The following CHUK variants were observed in gnomAD, a reference collection of about 807,000 sequenced individuals.
CHUK encodes component of inhibitor of nuclear factor kappa B kinase complex.
Under a neutral mutation model 104.8 loss-of-function variants are expected in CHUK, and 35 were observed. The observed-to-expected ratio is 0.33, with a 90% confidence interval of 0.26 to 0.44. CHUK has a LOEUF of 0.44. Among genes scored for constraint, CHUK ranks in the 20% least tolerant of loss-of-function variants. The probability of loss-of-function intolerance (pLI) is 1.00; values close to 1 mark genes in which losing one functional copy is unlikely to be tolerated. For synonymous variants in CHUK, 276 were observed against 291.9 expected, an observed-to-expected ratio of 0.95 and a Z score of 0.56; for missense variants, 663 against 902.7, an observed-to-expected ratio of 0.73 and a Z score of 3.40.
In CHUK at chr10:100,222,898, T is replaced by C; in HGVS notation, c.283A>G (p.Met95Val). Residue 95 changes from methionine (M) to valine (V), a missense_variant, in exon 3 of 21, where the codon ATG becomes GTG. By Grantham distance (21) the Met-to-Val change is conservative (BLOSUM62 1). Around this residue, in one of 5 missense-constraint regions of CHUK, gnomAD observed 200 missense variants for 333.0 expected, o/e 0.60. Coordinates refer to ENST00000370397, the MANE Select transcript of CHUK (RefSeq NM_001278.5). Reference protein sequence around the residue: ...ILIHDVPLLAMEYCSGGDLRK... With the variant: ...ILIHDVPLLAVEYCSGGDLRK... ...AGATCTCCTCCAGAACAGTATTCCA[T>C]TGCTAGAAGAGGCACATCATGAATC... The C allele has an allele frequency of 6.3e-7, 1 of 1,597,762 alleles. No homozygotes were observed. Among genetic ancestry groups the C allele is most frequent in the Non-Finnish European group, 8.6e-7 (1 of 1,165,290 alleles).
intron 1 of CHUK, 97 bp downstream of exon 1, chr10:100,229,331 C>G (rs1448726757): frequency 6.6e-6 from 6 of 910,168 alleles, no homozygotes; most frequent in African/African-American, 1.6e-5. Context: ...AAGGTCCCAC[C>G]AACCATCTAT....
At chr10:100,215,704 T>C (rs1378213950) in intron 9 of CHUK, among the ~76,000 whole-genome samples, 1 of 152,224 alleles carries the variant, frequency 6.6e-6, no homozygotes, top group Non-Finnish European at 1.5e-5. Flanking sequence ...GTAACTGTTT[T>C]GTTGCTTCCT....
At position 100,209,517 on chromosome 10, in the gene CHUK, A is replaced by C. The variant is rs116201511; in HGVS notation, c.1128+78T>G. 618 of 869,850 alleles carry C rather than the reference A, an allele frequency of 7.1e-4. 1 individual carries two copies. The African/African-American group carries it at 8.4e-3, about 12-fold the overall frequency. The allele number at this position is 869,850 out of a possible 1,614,324, so 53.9% of individuals were successfully genotyped here. A position where few individuals can be genotyped will look rare whatever the true frequency, so the allele number is the denominator to read the frequency against. Reference sequence around the variant, plus strand: ...ATGTGCGGCCTCCCAAGGAATTCCAAGTATGCATAAAAATTGCAGGGCACG... The same window carrying C: ...ATGTGCGGCCTCCCAAGGAATTCCACGTATGCATAAAAATTGCAGGGCACG... On this transcript the variant is annotated intron_variant, in intron 10 of 20. Transcript: ENST00000370397.
At chr10:100,218,263 C>T in intron 8 of CHUK, 133 bp from the exon 9 acceptor site, 3 of 798,588 alleles carry the variant, frequency 3.8e-6, no homozygotes, top group East Asian at 2.6e-5. Context: ...TCATAAATTA[C>T]TTTCAAATTC....
At chr10:100,187,195 G>A (rs1245998526), downstream of CHUK, 1 of 152,274 alleles carries the variant, frequency 6.6e-6, no homozygotes, top group Admixed American at 6.5e-5. Context: ...GGAAAGCAGT[G>A]CTTTAGGGCC....
chr10:100,186,631 G>C (rs185072140), downstream of CHUK: 2 of 152,408 alleles, frequency 1.3e-5, no homozygotes, highest in East Asian at 3.9e-4. Flanking sequence ...ACCAAAGTAA[G>C]TACTTCAGTT....
chr10:100,215,024 C>A (rs1022745461), intron 9 of CHUK, among the ~76,000 whole-genome samples: 40 of 151,930 alleles, frequency 2.6e-4, no homozygotes, highest in Non-Finnish European at 1.6e-4. Flanking sequence ...CACCTGAGGT[C>A]AGGGTGTCAA....
chr10:100,189,477 T>C lies in CHUK; in HGVS notation c.*121A>G. The C allele has an allele frequency of 2.5e-6, 2 of 795,166 alleles. No individual in the cohort carries two copies. The highest frequency in any genetic ancestry group is 4.5e-6 in the Non-Finnish European group (2 of 440,158). 49.3% of individuals were successfully genotyped at this position (795,166 alleles called of 1,614,324 possible). A position where few individuals can be genotyped will look rare whatever the true frequency, so the allele number is the denominator to read the frequency against. Reference sequence around the variant, plus strand: ...CTGATCATAGTAGAAATGTAGTTTCTGTTCATAGCCATTTCTTCCATTGAC... The same window carrying C: ...CTGATCATAGTAGAAATGTAGTTTCCGTTCATAGCCATTTCTTCCATTGAC... On this transcript the variant is annotated 3_prime_UTR_variant, in exon 21 of 21. Transcript: ENST00000370397.
In CHUK at chr10:100,189,567, A is replaced by G; in HGVS notation, c.*31T>C. ...TCCAACATGTATAGCAACAACTTCCATAGGTTTGGGGACAGTGAACAAGTG... is the reference window on the plus strand; with the variant it reads ...TCCAACATGTATAGCAACAACTTCCGTAGGTTTGGGGACAGTGAACAAGTG... On this transcript the variant is annotated 3_prime_UTR_variant, in exon 21 of 21. Coordinates refer to ENST00000370397, the MANE Select transcript of CHUK (RefSeq NM_001278.5). The G allele has an allele frequency of 6.3e-7, 1 of 1,588,452 alleles. No homozygotes were observed. The highest frequency in any genetic ancestry group is 8.6e-7 in the Non-Finnish European group (1 of 1,156,696).
chr10:100,200,341 T>A (rs1589580793), intron 15 of CHUK, among the ~76,000 whole-genome samples: 1 of 152,082 alleles, frequency 6.6e-6, no homozygotes, highest in South Asian at 2.1e-4. Context: ...TCAGAAAAAA[T>A]TTCAAGTTTT....
intron 9 of CHUK, among the ~76,000 whole-genome samples, chr10:100,210,405 A>G (rs1215615776): frequency 2.0e-5 from 3 of 152,044 alleles, no homozygotes; most frequent in Non-Finnish European, 4.4e-5. Context: ...TTATTTTGAA[A>G]AAAACATTAT....
Position 100,194,048 on chromosome 10 carries a change from T to C in CHUK, c.1910A>G (p.Asn637Ser), listed in dbSNP as rs1363686734. The C allele has an allele frequency of 2.5e-6, 4 of 1,613,350 alleles. No homozygotes were observed. Among genetic ancestry groups the C allele is most frequent in the Non-Finnish European group, 3.4e-6 (4 of 1,179,452 alleles). Residue 637 changes from asparagine to serine, a missense_variant, in exon 18 of 21, where the codon AAT becomes AGT. Physicochemically the swap from Asn to Ser is conservative, Grantham distance 46. Transcript: ENST00000370397. The part of the protein sequence containing the change: ...VALSNIKEAD[N>S]TVMFMQGKRQ... ...TTTTCCCTGCATGAACATGACAGTA[T>C]TGTCAGCTTCTTTGATATTACTGAG...
chr10:100,219,966 C>T (rs979021575), intron 5 of CHUK, among the ~76,000 whole-genome samples: 12 of 152,098 alleles, frequency 7.9e-5, no homozygotes, highest in African/African-American at 1.9e-4. Context: ...ACTAAAGAGA[C>T]GGCACACACA....
In CHUK at chr10:100,210,232, C is replaced by T. The variant is rs1406919658; in HGVS notation, c.934-443G>A. Among the ~76,000 whole-genome samples, 12 of 149,648 alleles carry T rather than the reference C, an allele frequency of 8.0e-5. No individual in the cohort carries two copies. In the East Asian group the frequency reaches 1.7e-3, roughly 22 times the overall value. Reference sequence around the variant, plus strand: ...CCTCCCAAGTAGCTGGGACTACAGGCGCCCGCCACTACGCCCGGCTAATTT... The same window carrying T: ...CCTCCCAAGTAGCTGGGACTACAGGTGCCCGCCACTACGCCCGGCTAATTT... On this transcript the variant is annotated intron_variant, in intron 9 of 20. Transcript: ENST00000370397.
chr10:100,202,627 T>G (rs1363547131), intron 13 of CHUK, among the ~76,000 whole-genome samples: 2 of 152,212 alleles, frequency 1.3e-5, no homozygotes, highest in African/African-American at 4.8e-5. Flanking sequence ...TGTGAGACAG[T>G]AAGTTTCCAT....
At position 100,204,517 on chromosome 10, in the gene CHUK, G is replaced by A. The variant is rs774205808; in HGVS notation, c.1496C>T (p.Thr499Met). The A allele has an allele frequency of 1.9e-5, 30 of 1,613,030 alleles. No individual in the cohort carries two copies. In the East Asian group the frequency reaches 2.0e-4, roughly 11 times the overall value. The change falls in exon 13 of 21, where the codon ACG becomes ATG. Residue 499 changes from threonine (T) to methionine (M), a missense_variant. Around this residue, in one of 5 missense-constraint regions of CHUK, gnomAD observed 311 missense variants for 393.4 expected, o/e 0.79. Transcript: ENST00000370397. ...ACACAGACACTTACATATCCCATAC[G>A]TCATCTGCTCGCTGTATCTCTCCAA... ...LDLERYSEQM[T>M]YGISSEKMLK...
chr10:100,204,672 G>GA lies in CHUK; in HGVS notation c.1356-16dup, dbSNP rs751629574. The stretch of plus-strand genomic sequence containing the variant: ...GAAGACTTAACCTAAACCACAGCAA[G>GA]AAAAAAAAGAAAAAGAAAAAAGATA... On this transcript the variant is annotated splice_polypyrimidine_tract_variant and intron_variant, in intron 12 of 20. Coordinates refer to ENST00000370397, the MANE Select transcript of CHUK (RefSeq NM_001278.5). 44 of 1,556,092 alleles carry GA rather than the reference G, an allele frequency of 2.8e-5. No individual in the cohort carries two copies. Among genetic ancestry groups the GA allele is most frequent in the Middle Eastern group, 1.7e-4 (1 of 5,872 alleles).
At chr10:100,207,150 C>A (rs1845607415) in intron 11 of CHUK, 80 bp downstream of exon 11, 2 of 774,286 alleles carry the variant, frequency 2.6e-6, no homozygotes, top group Non-Finnish European at 4.7e-6. Context: ...CACCAAAAGT[C>A]CATTTCTACT....
chr10:100,194,708 A>T (rs893094026), intron 16 of CHUK, 187 bp from the exon 17 acceptor site: 4 of 460,504 alleles, frequency 8.7e-6, no homozygotes, highest in African/African-American at 7.9e-5. Flanking sequence ...CTAGTTATAT[A>T]TAAAAAATAA....
Sources: allele counts gnomAD v4.1 joint callset (sites outside exome capture counted in the v4.1 genomes callset), GRCh38; gene constraint gnomAD v4.1.1; regional missense constraint gnomAD v4.1.1; transcripts MANE v1.5; gene names NCBI Gene and HGNC (gene_info 2026-07-23, HGNC 2026-07-21).